NTRK2: variants seen among roughly 807,000 people sequenced by gnomAD.
NTRK2 encodes BDNF/NT-3 growth factors receptor.
A neutral mutation model predicts 94.5 loss-of-function variants in NTRK2; 13 were observed. The observed-to-expected ratio is 0.14, with a 90% CI of 0.09 to 0.22. NTRK2 has a LOEUF of 0.22. Ranked by LOEUF, NTRK2 falls within the 10% of genes least tolerant of loss-of-function variation. NTRK2 has a pLI of 1.00. For synonymous variants in NTRK2, 372 were observed against 407.4 expected (o/e 0.91, Z 1.05); for missense variants, 639 against 1,071.2 (o/e 0.60, Z 5.63).
intron 14 of NTRK2, among the ~76,000 whole-genome samples, chr9:84,880,636 G>A (rs1396638383): frequency 6.6e-6 from 1 of 152,194 alleles, no homozygotes; most frequent in African/African-American, 2.4e-5. Flanking sequence ...GCTTCATAAA[G>A]TCAGGAGATA....
intron 17 of NTRK2, among the ~76,000 whole-genome samples, chr9:85,012,864 A>G (rs765831694): frequency 6.6e-6 from 1 of 152,198 alleles, no homozygotes; most frequent in Non-Finnish European, 1.5e-5. Context: ...GAGAGTAGTT[A>G]TTGAATGATG....
chr9:84,862,273 G>T (rs184892641), intron 13 of NTRK2, among the ~76,000 whole-genome samples: 1 of 152,180 alleles, frequency 6.6e-6, no homozygotes, highest in East Asian at 1.9e-4. Context: ...AGATATCAGA[G>T]GGATGATCCT....
At chr9:84,691,046 C>T (rs1297561255) in intron 2 of NTRK2, among the ~76,000 whole-genome samples, 2 of 152,046 alleles carry the variant, frequency 1.3e-5, no homozygotes, top group Non-Finnish European at 2.9e-5. Context: ...ACAAGAACTC[C>T]AACTAACCCT....
At chr9:84,975,056 C>T (rs1045118073) in intron 17 of NTRK2, among the ~76,000 whole-genome samples, 4 of 152,082 alleles carry the variant, frequency 2.6e-5, no homozygotes, top group African/African-American at 9.7e-5. Context: ...GCTCTGGGAG[C>T]ACCTTGGAAG....
At chr9:84,994,473 A>G (rs1257712369) in intron 17 of NTRK2, among the ~76,000 whole-genome samples, 1 of 152,248 alleles carries the variant, frequency 6.6e-6, no homozygotes, top group Non-Finnish European at 1.5e-5. Context: ...GGCTGATCCC[A>G]GAGGATGGTT....
At chr9:84,874,442 G>T (rs1239629868) in intron 14 of NTRK2, 1 of 1,065,832 alleles carries the variant, frequency 9.4e-7, no homozygotes, top group Non-Finnish European at 1.1e-6. Context: ...ACCGTAGCTG[G>T]GCTTCTTCTC....
chr9:84,782,645 C>T (rs1284947167), intron 12 of NTRK2, among the ~76,000 whole-genome samples: 1 of 152,160 alleles, frequency 6.6e-6, no homozygotes. Flanking sequence ...GGCTCATGTC[C>T]ATTAAGCCGT....
At chr9:85,020,169 G>C (rs1472760908) in intron 17 of NTRK2, 37 bp from the exon 18 acceptor site, 2 of 1,613,194 alleles carry the variant, frequency 1.2e-6, no homozygotes, top group Non-Finnish European at 1.7e-6. Flanking sequence ...TGGTTTCGGG[G>C]TGACTGATGC....
At chr9:84,819,955 C>A (rs1170309831) in intron 12 of NTRK2, among the ~76,000 whole-genome samples, 1 of 152,062 alleles carries the variant, frequency 6.6e-6, no homozygotes, top group Non-Finnish European at 1.5e-5. Flanking sequence ...AACCCTGAGA[C>A]ATATGTTATA....
intron 9 of NTRK2, among the ~76,000 whole-genome samples, chr9:84,738,352 A>G (rs574365286): frequency 6.8e-6 from 1 of 147,890 alleles, no homozygotes; most frequent in South Asian, 2.1e-4. Flanking sequence ...TTCCTCAGTG[A>G]CCTTTTAGTC....
chr9:84,795,782 A>G (rs2069244724), intron 12 of NTRK2, among the ~76,000 whole-genome samples: 1 of 152,018 alleles, frequency 6.6e-6, no homozygotes, highest in African/African-American at 2.4e-5. Context: ...CTCCTTGCTC[A>G]TGCACCTGAG....
intron 12 of NTRK2, among the ~76,000 whole-genome samples, chr9:84,847,760 A>C (rs564313587): frequency 1.3e-5 from 2 of 152,192 alleles, no homozygotes; most frequent in Non-Finnish European, 2.9e-5. Context: ...TGAATCACAT[A>C]GGTTGCCTGG....
intron 14 of NTRK2, among the ~76,000 whole-genome samples, chr9:84,912,715 G>T (rs1193313794): frequency 1.3e-5 from 2 of 149,146 alleles, no homozygotes; most frequent in Non-Finnish European, 3.0e-5. Flanking sequence ...GCCTCCCCGG[G>T]TTCATGCCAT....
At chr9:84,805,030 A>C (rs146768758) in intron 12 of NTRK2, among the ~76,000 whole-genome samples, 1 of 152,302 alleles carries the variant, frequency 6.6e-6, no homozygotes, top group East Asian at 1.9e-4. Flanking sequence ...CAATGGTATC[A>C]GTCTTTGGAT....
Position 84,752,079 on chromosome 9 carries a change from A to G in NTRK2, c.1390A>G (p.Met464Val), listed in dbSNP as rs2064671889. The G allele has an allele frequency of 2.5e-6, 4 of 1,613,568 alleles. No individual in the cohort carries two copies. The Admixed American group carries it at 6.7e-5, about 27-fold the overall frequency. ...GTTGGCAAGACACTCCAAGTTTGGCATGAAAGGTAAGAAGGGTTGTGTTTA... is the reference window on the plus strand; with the variant it reads ...GTTGGCAAGACACTCCAAGTTTGGCGTGAAAGGTAAGAAGGGTTGTGTTTA... ...LKLARHSKFG[M>V]KDFSWFGFGK... The change falls in exon 12 of 19, where the codon ATG (methionine) becomes GTG (valine). Residue 464 changes from methionine to valine, a missense_variant. Transcript: ENST00000277120.
rs1381490203 is a variant in NTRK2 at position 84,980,339 on chromosome 9, G to A, written c.2172+24822G>A. Among the ~76,000 whole-genome samples, 3 of 152,044 alleles carry A rather than the reference G, an allele frequency of 2.0e-5. No homozygotes were observed. In the East Asian group the frequency reaches 5.8e-4, roughly 29 times the overall value. ...TGTGCAGAGAGCATGATTGTATGTG[G>A]GACTGTTTTCTTCTTTTGACTTACT... is the stretch of plus-strand genomic sequence containing the variant. On this transcript the variant is annotated intron_variant, in intron 17 of 18. Transcript: ENST00000277120.
chr9:84,894,759 A>C (rs2076709969), intron 14 of NTRK2, among the ~76,000 whole-genome samples: 1 of 152,352 alleles, frequency 6.6e-6, no homozygotes, highest in African/African-American at 2.4e-5. Context: ...ACAGATAACT[A>C]TCAGTCATTT....
intron 8 of NTRK2, among the ~76,000 whole-genome samples, chr9:84,725,740 T>A (rs547359646): frequency 2.0e-5 from 3 of 151,350 alleles, no homozygotes; most frequent in Non-Finnish European, 2.9e-5. Flanking sequence ...ATAGATGAAG[T>A]CACATATTAA....
chr9:84,832,321 G>A lies in NTRK2; in HGVS notation c.1397-28719G>A, dbSNP rs145061448. Among the ~76,000 whole-genome samples the A allele has an allele frequency of 2.5e-3, 374 of 152,274 alleles. 2 individuals are homozygous for A. Among genetic ancestry groups the A allele is most frequent in the African/African-American group, 8.1e-3 (338 of 41,550 alleles). On this transcript the variant is annotated intron_variant, in intron 12 of 18. Transcript: ENST00000277120. The stretch of plus-strand genomic sequence containing the variant: ...ATGAGACATACCTTCAAAGGTTTAC[G>A]TCCTCACAGGGAATTTTAAGTTCAC...
Sources: gnomAD v4.1 joint callset for allele counts (sites outside exome capture counted in the v4.1 genomes callset) on GRCh38, gnomAD v4.1.1 for gene constraint, MANE v1.5 for transcripts, NCBI Gene and HGNC (gene_info 2026-07-23, HGNC 2026-07-21) for gene names.